Variants in SLC35D4 observed in about 807,000 individuals in gnomAD.
SLC35D4 encodes the protein solute carrier family 35 member D4.
At chr18:23,355,833 A>G in the SLC35D4 span, among the ~76,000 whole-genome samples, 1 of 152,162 alleles carries the variant, frequency 6.6e-6, no homozygotes, top group African/African-American at 2.4e-5. Flanking sequence ...AAAGCTTAAG[A>G]CCCAAAGATC....
chr18:23,387,546 G>A, the SLC35D4 span, among the ~76,000 whole-genome samples: 2 of 152,144 alleles, frequency 1.3e-5, no homozygotes, highest in Admixed American at 6.5e-5. Context: ...CCAGTTTAGA[G>A]GACCTGCTTC....
At chr18:23,368,854 C>A in the SLC35D4 span, 1 of 735,332 alleles carries the variant, frequency 1.4e-6, no homozygotes, top group Non-Finnish European at 2.1e-6. Flanking sequence ...TTAGTTACTA[C>A]TTTTATAAAT....
chr18:23,381,545 T>G, the SLC35D4 span, among the ~76,000 whole-genome samples: 2 of 152,116 alleles, frequency 1.3e-5, no homozygotes, highest in East Asian at 1.9e-4. Context: ...CTTCTTAGAT[T>G]TATAAAGGAA....
At chr18:23,316,558 A>C in the SLC35D4 span, among the ~76,000 whole-genome samples, 1 of 152,246 alleles carries the variant, frequency 6.6e-6, no homozygotes, top group Non-Finnish European at 1.5e-5. Context: ...GGCTATTAAC[A>C]GTATTTAATA....
chr18:23,289,772 G>C, the SLC35D4 span, among the ~76,000 whole-genome samples: 1 of 152,184 alleles, frequency 6.6e-6, no homozygotes, highest in East Asian at 1.9e-4. Context: ...GCCTGTTCCT[G>C]CCTTAACTGA....
At chr18:23,410,263 G>A in the SLC35D4 span, among the ~76,000 whole-genome samples, 15 of 150,942 alleles carry the variant, frequency 9.9e-5, no homozygotes, top group African/African-American at 2.0e-4. Context: ...GGCGGATCAC[G>A]AGGTCAGATC....
At chr18:23,375,906 C>T in the SLC35D4 span, among the ~76,000 whole-genome samples, 1 of 152,312 alleles carries the variant, frequency 6.6e-6, no homozygotes, top group East Asian at 1.9e-4. Flanking sequence ...TTCTGAGTTT[C>T]ATATGCCAAA....
At chr18:23,310,749 G>A in the SLC35D4 span, among the ~76,000 whole-genome samples, 5 of 151,964 alleles carry the variant, frequency 3.3e-5, no homozygotes, top group Non-Finnish European at 7.4e-5. Context: ...GAACCTCATC[G>A]TCACGCATTA....
At chr18:23,330,213 A>G in the SLC35D4 span, among the ~76,000 whole-genome samples, 1 of 152,324 alleles carries the variant, frequency 6.6e-6, no homozygotes, top group African/African-American at 2.4e-5. Context: ...GAACAAAAAA[A>G]GAAACCCAAC....
chr18:23,343,766 C>T, the SLC35D4 span, among the ~76,000 whole-genome samples: 4 of 152,130 alleles, frequency 2.6e-5, no homozygotes, highest in South Asian at 2.1e-4. Context: ...TTCTTTGCAT[C>T]CTTGTGTTCT....
At chr18:23,437,942 G>C in the SLC35D4 span, 38 of 1,416,716 alleles carry the variant, frequency 2.7e-5, no homozygotes, top group Non-Finnish European at 3.5e-5. Flanking sequence ...CAGCGGCAGC[G>C]GCAGCAGCCG....
the SLC35D4 span, among the ~76,000 whole-genome samples, chr18:23,320,151 A>T: frequency 6.6e-6 from 1 of 152,094 alleles, no homozygotes; most frequent in Non-Finnish European, 1.5e-5. Context: ...CAAATATTAG[A>T]TCTTATGAAC....
chr18:23,409,962 T>G, the SLC35D4 span, among the ~76,000 whole-genome samples: 5 of 152,194 alleles, frequency 3.3e-5, no homozygotes. Flanking sequence ...GCATTTACGT[T>G]GTAATCTAGA....
the SLC35D4 span, among the ~76,000 whole-genome samples, chr18:23,373,369 G>A: frequency 6.6e-6 from 1 of 152,094 alleles, no homozygotes; most frequent in Non-Finnish European, 1.5e-5. Context: ...GAGGCCCTTG[G>A]GAGGAGAGAA....
At chr18:23,288,318 C>T in the SLC35D4 span, among the ~76,000 whole-genome samples, 3 of 152,178 alleles carry the variant, frequency 2.0e-5, no homozygotes, top group African/African-American at 4.8e-5. Context: ...GCCACTAGCC[C>T]GCCTCTTAGA....
the SLC35D4 span, among the ~76,000 whole-genome samples, chr18:23,420,857 T>C: frequency 0.02 from 3,106 of 152,290 alleles, 96 homozygotes; most frequent in African/African-American, 0.07. Flanking sequence ...AGTGGCATTA[T>C]TACCCAGGAA....
At chr18:23,395,035 T>C in the SLC35D4 span, among the ~76,000 whole-genome samples, 1 of 151,178 alleles carries the variant, frequency 6.6e-6, no homozygotes, top group South Asian at 2.1e-4. Flanking sequence ...GGACAATTTT[T>C]AGAGGGAGCA....
the SLC35D4 span, among the ~76,000 whole-genome samples, chr18:23,428,163 TATA>T: frequency 1.3e-5 from 2 of 151,626 alleles, no homozygotes; most frequent in South Asian, 2.1e-4. Flanking sequence ...GAACTTAAAG[TATA>T]ATAATAAAAA....
the SLC35D4 span, among the ~76,000 whole-genome samples, chr18:23,241,572 C>T: frequency 1.3e-5 from 2 of 152,148 alleles, no homozygotes; most frequent in South Asian, 2.1e-4. Flanking sequence ...AGATGTAGTA[C>T]AGTTTGTTTA....
Sources: allele counts gnomAD v4.1 joint callset (sites outside exome capture counted in the v4.1 genomes callset), GRCh38; gene constraint gnomAD v4.1.1; transcripts MANE v1.5; gene names NCBI Gene and HGNC (gene_info 2026-07-23, HGNC 2026-07-21).